The following RELN variants were observed in gnomAD, a reference collection of about 807,000 sequenced individuals.
RELN encodes the protein reelin.
Under a neutral mutation model 427.6 loss-of-function variants are expected in RELN, and 108 were observed. The ratio of observed to expected loss-of-function variants is 0.25; its 90% CI spans 0.22 to 0.30. The LOEUF is 0.30. Among genes scored for constraint, RELN ranks in the 10% least tolerant of loss-of-function variants. The pLI is 1.00. For synonymous variants in RELN, 1,524 were observed against 1,513.4 expected (o/e 1.01, Z -0.16); for missense variants, 3,715 against 4,302.8 (o/e 0.86, Z 3.82).
Position 103,669,940 on chromosome 7 carries a change from A to G in RELN, c.1290-8413T>C, listed in dbSNP as rs1399093488. 2.0e-5 allele frequency among the ~76,000 whole-genome samples: 3 copies of G among 152,262 alleles called. No individual in the cohort carries two copies. In the East Asian group the frequency reaches 5.8e-4, roughly 29 times the overall value. ...ATAGAGTGAGGTGAAGTTGGAGCAC[A>G]GAAAAAGTTTTCTAATCAATAAAAT... On this transcript the variant is annotated intron_variant, in intron 11 of 64. Coordinates refer to ENST00000428762, the MANE Select transcript of RELN (RefSeq NM_005045.4).
intron 3 of RELN, among the ~76,000 whole-genome samples, chr7:103,812,347 T>C (rs1483663875): frequency 2.0e-5 from 3 of 152,182 alleles, no homozygotes; most frequent in African/African-American, 7.2e-5. Context: ...CTATGTCACA[T>C]ATTGGGCTGT....
chr7:103,486,392 T>G lies in RELN; in HGVS notation c.9788A>C (p.His3263Pro). The part of the protein sequence containing the change: ...FQGDDCSVFS[H>P]DLPSYIKDNF... ...ATCTTTAATATAACTGGGAAGGTCG[T>G]GACTGAAAACAGAGCAGTCATCACC... Residue 3263 changes from histidine (H) to proline (P), a missense_variant, in exon 61 of 65, where the codon CAC (histidine) becomes CCC (proline). By Grantham distance (77) the His-to-Pro change is moderately conservative. Transcript: ENST00000428762. 1 of 1,614,142 alleles carries G rather than the reference T, an allele frequency of 6.2e-7. No homozygotes were observed. The highest frequency in any genetic ancestry group is 1.1e-5 in the South Asian group (1 of 91,084).
intron 6 of RELN, among the ~76,000 whole-genome samples, chr7:103,745,152 C>A (rs1790784288): frequency 6.6e-6 from 1 of 152,000 alleles, no homozygotes; most frequent in African/African-American, 2.4e-5. Flanking sequence ...TAAACAGAAC[C>A]AAAGACAAAA....
chr7:103,847,949 C>CAAAGA (rs1404103407), intron 2 of RELN, among the ~76,000 whole-genome samples: 1 of 148,122 alleles, frequency 6.8e-6, no homozygotes, highest in East Asian at 2.1e-4. Context: ...TTTCATTTAG[C>CAAAGA]AAAGAAAAGA....
intron 2 of RELN, among the ~76,000 whole-genome samples, chr7:103,896,999 G>A (rs117140978): frequency 6.6e-6 from 1 of 151,980 alleles, no homozygotes; most frequent in African/African-American, 2.4e-5. Flanking sequence ...GAGGAGCAAA[G>A]GTATGTCTTA....
intron 61 of RELN, 23 bp from the exon 62 acceptor site, chr7:103,483,873 C>G (rs886562576): frequency 1.2e-6 from 2 of 1,608,080 alleles, no homozygotes; most frequent in East Asian, 2.2e-5. Flanking sequence ...GGGAAATCAT[C>G]TTTATTTTTA....
rs773445172 is a variant in RELN at position 103,486,283 on chromosome 7, G to A, written c.9897C>T (p.Ala3299=). The A allele has an allele frequency of 6.2e-7, 1 of 1,614,152 alleles. No individual in the cohort carries two copies. Among genetic ancestry groups the A allele is most frequent in the East Asian group, 2.2e-5 (1 of 44,882 alleles). Residue 3299 remains alanine (A), a synonymous_variant, in exon 61 of 65, where the codon GCC becomes GCT. Transcript: ENST00000428762. ...GVIGSGCGQL[A]PYAHGDSLYF... is the part of the protein sequence containing the mutation. The stretch of plus-strand genomic sequence containing the variant: ...ACAGTGAGTCTCCATGGGCGTAGGG[G>A]GCCAGCTGCCCACAGCCACTTCCTA...
chr7:103,863,333 C>G lies in RELN; in HGVS notation c.338-29661G>C, dbSNP rs115366332. Among the ~76,000 whole-genome samples, 780 of 152,176 alleles carry G rather than the reference C, an allele frequency of 5.1e-3. 8 individuals carry two copies. Among genetic ancestry groups the G allele is most frequent in the African/African-American group, 0.017 (726 of 41,534 alleles). On this transcript the variant is annotated intron_variant, in intron 2 of 64. Coordinates refer to ENST00000428762, the MANE Select transcript of RELN (RefSeq NM_005045.4). Reference sequence around the variant, plus strand: ...CATAGAATGTTAGAGCTGGAAAGGGCCCTGGAAGCATCTGACCTAATCTCC... The same window carrying G: ...CATAGAATGTTAGAGCTGGAAAGGGGCCTGGAAGCATCTGACCTAATCTCC...
intron 3 of RELN, among the ~76,000 whole-genome samples, chr7:103,828,926 T>C (rs1430224222): frequency 6.6e-6 from 1 of 151,998 alleles, no homozygotes; most frequent in African/African-American, 2.4e-5. Flanking sequence ...TTTACCACGA[T>C]AAAATAGACA....
intron 1 of RELN, among the ~76,000 whole-genome samples, chr7:103,930,147 A>G (rs1795828841): frequency 6.6e-6 from 1 of 152,164 alleles, no homozygotes; most frequent in African/African-American, 2.4e-5. Context: ...TGGATGTCTG[A>G]GAGCAATGTG....
chr7:103,817,547 G>A (rs1237431342), intron 3 of RELN, among the ~76,000 whole-genome samples: 1 of 152,210 alleles, frequency 6.6e-6, no homozygotes, highest in Non-Finnish European at 1.5e-5. Context: ...TCACATTTGT[G>A]TTTGTACAAG....
chr7:103,858,378 A>G (rs868251198), intron 2 of RELN, among the ~76,000 whole-genome samples: 1 of 152,232 alleles, frequency 6.6e-6, no homozygotes. Context: ...GTTAGCTACT[A>G]TAATTCAATA....
chr7:103,942,969 A>G (rs2116740983), intron 1 of RELN, among the ~76,000 whole-genome samples: 1 of 152,308 alleles, frequency 6.6e-6, no homozygotes, highest in East Asian at 1.9e-4. Flanking sequence ...TTTGTTTCTT[A>G]GTAAACAAAC....
At chr7:103,654,805 A>G (rs1476621947) in intron 12 of RELN, among the ~76,000 whole-genome samples, 1 of 152,042 alleles carries the variant, frequency 6.6e-6, no homozygotes, top group Non-Finnish European at 1.5e-5. Context: ...GTCATGGAAA[A>G]CAATATGCCA....
At chr7:103,739,063 G>A (rs919759839) in intron 6 of RELN, among the ~76,000 whole-genome samples, 1 of 152,024 alleles carries the variant, frequency 6.6e-6, no homozygotes. Context: ...CTTTATTGCC[G>A]AATGTTAATA....
chr7:103,621,439 C>T (rs1832216836), intron 20 of RELN, among the ~76,000 whole-genome samples: 2 of 152,048 alleles, frequency 1.3e-5, no homozygotes, highest in African/African-American at 2.4e-5. Context: ...TTTTGCAGCC[C>T]TTGGACTTTT....
chr7:103,618,922 C>A (rs906715371), intron 20 of RELN, among the ~76,000 whole-genome samples: 1 of 152,154 alleles, frequency 6.6e-6, no homozygotes, highest in Admixed American at 6.5e-5. Context: ...ACCATCCTGG[C>A]TAACATGGTG....
chr7:103,567,858 C>T (rs776780927), intron 31 of RELN, among the ~76,000 whole-genome samples: 6 of 151,796 alleles, frequency 4.0e-5, no homozygotes, highest in African/African-American at 9.7e-5. Context: ...TGCAGTGGCA[C>T]GATTACAGCT....
At chr7:103,509,478 C>T (rs1407714185) in intron 51 of RELN, among the ~76,000 whole-genome samples, 1 of 152,136 alleles carries the variant, frequency 6.6e-6, no homozygotes, top group African/African-American at 2.4e-5. Flanking sequence ...TGGATCCCTT[C>T]CTTACACCTT....
Sources: allele counts gnomAD v4.1 joint callset (sites outside exome capture counted in the v4.1 genomes callset), GRCh38; gene constraint gnomAD v4.1.1; transcripts MANE v1.5; gene names NCBI Gene and HGNC (gene_info 2026-07-23, HGNC 2026-07-21).